RBMS3: variants seen among roughly 807,000 people sequenced by gnomAD.
RBMS3 encodes RNA binding motif single stranded interacting protein 3.
Under a neutral mutation model 66.8 loss-of-function variants are expected in RBMS3, and 27 were observed. The observed-to-expected ratio is 0.40, with a 90% CI of 0.30 to 0.56. RBMS3 has a LOEUF of 0.56. Among genes scored for constraint, RBMS3 ranks in the 20% least tolerant of loss-of-function variants. The pLI is 0.40. For synonymous variants in RBMS3, 188 were observed against 183.0 expected, an observed-to-expected ratio of 1.03 and a Z score of -0.22; for missense variants, 513 against 549.5, an observed-to-expected ratio of 0.93 and a Z score of 0.66.
At chr3:29,867,077 A>T (rs762005217) in intron 6 of RBMS3, among the ~76,000 whole-genome samples, 2 of 152,156 alleles carry the variant, frequency 1.3e-5, no homozygotes, top group African/African-American at 2.4e-5. Context: ...ATTTGACAAA[A>T]TATGACTCCC....
At chr3:29,898,736 C>CGTGTGT (rs3072651) in intron 9 of RBMS3, among the ~76,000 whole-genome samples, 11,633 of 142,504 alleles carry the variant, frequency 0.082, 878 homozygotes, top group African/African-American at 0.2. Context: ...TTGTAATGTG[C>CGTGTGT]GTGTGTGTGT....
intron 3 of RBMS3, among the ~76,000 whole-genome samples, chr3:29,499,471 A>G (rs769851625): frequency 1.1e-4 from 16 of 152,232 alleles, no homozygotes; most frequent in East Asian, 1.9e-4. Flanking sequence ...TCAAAGGACT[A>G]TAAGTGAGCT....
At chr3:29,497,704 T>G (rs2043806655) in intron 3 of RBMS3, among the ~76,000 whole-genome samples, 1 of 152,104 alleles carries the variant, frequency 6.6e-6, no homozygotes, top group South Asian at 2.1e-4. Context: ...TCTCATGCTT[T>G]TATGATTAGT....
In RBMS3 at chr3:29,516,255, A is replaced by T. The variant is rs533376174; in HGVS notation, c.307+27756A>T. Among the ~76,000 whole-genome samples, 3 of 152,278 alleles carry T rather than the reference A, an allele frequency of 2.0e-5. No homozygotes were observed. The South Asian group carries it at 6.2e-4, about 32-fold the overall frequency. On this transcript the variant is annotated intron_variant, in intron 3 of 14. Transcript: ENST00000383767. ...AATAAAATAATACATGTGATTCAAG[A>T]TATATTGAGTTTGATGTATTTCTAG...
chr3:29,510,925 T>C lies in RBMS3; in HGVS notation c.307+22426T>C, dbSNP rs369982005. Among the ~76,000 whole-genome samples the C allele has an allele frequency of 5.9e-4, 90 of 152,362 alleles. 4 individuals carry two copies. In the South Asian group the frequency reaches 0.018, roughly 30 times the overall value. Reference sequence around the variant, plus strand: ...TGCATGTTTTACAAATATTTTATTATGAAAAGATTTGAGTTTCCTTTTGGT... The same window carrying C: ...TGCATGTTTTACAAATATTTTATTACGAAAAGATTTGAGTTTCCTTTTGGT... On this transcript the variant is annotated intron_variant, in intron 3 of 14. Transcript: ENST00000383767.
intron 1 of RBMS3, among the ~76,000 whole-genome samples, chr3:29,384,426 T>TAAGAAG (rs1260902457): frequency 1.1e-5 from 1 of 93,366 alleles, no homozygotes; most frequent in African/African-American, 3.8e-5. Context: ...CCAATAATAA[T>TAAGAAG]AATAATAATA....
chr3:29,286,384 T>C (rs549983645), intron 1 of RBMS3, among the ~76,000 whole-genome samples: 1 of 152,032 alleles, frequency 6.6e-6, no homozygotes, highest in Non-Finnish European at 1.5e-5. Context: ...TTTTCCATGA[T>C]ATAGACATTG....
rs1339957352 is a variant in RBMS3 at position 29,892,831 on chromosome 3, GTATGTATGTATGTATT to G, written c.792-4544_792-4529del. Among the ~76,000 whole-genome samples, 25 of 137,414 alleles carry G rather than the reference GTATGTATGTATGTATT, an allele frequency of 1.8e-4. 1 individual carries two copies. Among genetic ancestry groups the G allele is most frequent in the South Asian group, 1.2e-3 (5 of 4,282 alleles). The allele number at this position is 137,414 out of a possible 152,430, so 90.1% of individuals were successfully genotyped here. A position where few individuals can be genotyped will look rare whatever the true frequency, so the allele number is the denominator to read the frequency against. ...TGTATGTATGTATGTATGTATGTATGTATGTATGTATGTATTTATTTATTTATTTATTTATTTTTAA... is the reference window on the plus strand; with the variant it reads ...TGTATGTATGTATGTATGTATGTATGTATTTATTTATTTATTTATTTTTAA... On this transcript the variant is annotated intron_variant, in intron 8 of 14. Transcript: ENST00000383767.
intron 4 of RBMS3, among the ~76,000 whole-genome samples, chr3:29,631,790 C>G (rs1576400969): frequency 6.6e-6 from 1 of 151,772 alleles, no homozygotes; most frequent in Non-Finnish European, 1.5e-5. Context: ...CTTTCACTTG[C>G]TAATGATCTG....
intron 5 of RBMS3, among the ~76,000 whole-genome samples, chr3:29,753,203 T>G (rs377691752): frequency 3.6e-4 from 55 of 152,312 alleles, no homozygotes; most frequent in African/African-American, 1.2e-3. Context: ...TTGCAGTTTT[T>G]GGGGACTAAT....
chr3:29,384,026 T>A (rs972343839), intron 1 of RBMS3, among the ~76,000 whole-genome samples: 1 of 152,144 alleles, frequency 6.6e-6, no homozygotes, highest in African/African-American at 2.4e-5. Flanking sequence ...GAAATTATAA[T>A]GGAAGAGAGC....
intron 4 of RBMS3, among the ~76,000 whole-genome samples, chr3:29,624,646 G>C (rs143402997): frequency 6.6e-6 from 1 of 151,998 alleles, no homozygotes; most frequent in South Asian, 2.1e-4. Flanking sequence ...GCCATAGTTC[G>C]TTTATGTTTC....
chr3:29,950,416 TTAAAG>T (rs1170814523), intron 12 of RBMS3, among the ~76,000 whole-genome samples: 4 of 151,932 alleles, frequency 2.6e-5, no homozygotes, highest in Non-Finnish European at 4.4e-5. Flanking sequence ...ACAATGGACT[TTAAAG>T]TAAGCTAATT....
chr3:29,401,424 A>C (rs1289006941), intron 1 of RBMS3, among the ~76,000 whole-genome samples: 1 of 152,114 alleles, frequency 6.6e-6, no homozygotes, highest in Admixed American at 6.6e-5. Flanking sequence ...TTACAGCCTA[A>C]CATTTCTCAG....
chr3:29,956,456 G>A (rs943768145), intron 12 of RBMS3, among the ~76,000 whole-genome samples: 3 of 151,966 alleles, frequency 2.0e-5, no homozygotes, highest in Admixed American at 6.6e-5. Flanking sequence ...GGAGATCAAG[G>A]GCTCTGCCAT....
At chr3:29,513,249 A>G (rs1225986525) in intron 3 of RBMS3, among the ~76,000 whole-genome samples, 4 of 152,184 alleles carry the variant, frequency 2.6e-5, no homozygotes, top group Non-Finnish European at 1.5e-5. Context: ...TTTTGAGTTG[A>G]AAACTGTACT....
At chr3:29,725,593 T>G (rs2053830331) in intron 4 of RBMS3, among the ~76,000 whole-genome samples, 1 of 151,650 alleles carries the variant, frequency 6.6e-6, no homozygotes, top group South Asian at 2.1e-4. Flanking sequence ...TATAAACACC[T>G]CTATGAAAAA....
chr3:29,833,213 C>T (rs1237515090), intron 6 of RBMS3, among the ~76,000 whole-genome samples: 2 of 152,082 alleles, frequency 1.3e-5, no homozygotes, highest in Non-Finnish European at 2.9e-5. Context: ...GAGATAACTG[C>T]TTCTTCAAAT....
chr3:29,945,582 G>T (rs1439902899), intron 12 of RBMS3, among the ~76,000 whole-genome samples: 1 of 151,488 alleles, frequency 6.6e-6, no homozygotes. Context: ...TTCATACATG[G>T]TACTTTTGTT....
Sources: allele counts gnomAD v4.1 joint callset (sites outside exome capture counted in the v4.1 genomes callset), GRCh38; gene constraint gnomAD v4.1.1; transcripts MANE v1.5; gene names NCBI Gene and HGNC (gene_info 2026-07-23, HGNC 2026-07-21).